The following MDGA2 variants were observed in gnomAD, a reference collection of about 807,000 sequenced individuals.
MDGA2 encodes MAM domain containing glycosylphosphatidylinositol anchor 2, also known as MAM domain-containing glycosylphosphatidylinositol anchor protein 2.
MDGA2 carries 40 observed loss-of-function variants against 117.8 expected under a neutral mutation model. The ratio of observed to expected loss-of-function variants is 0.34; its 90% CI spans 0.26 to 0.44. The LOEUF is 0.44. Among genes scored for constraint, MDGA2 ranks in the 20% least tolerant of loss-of-function variants. MDGA2 has a pLI of 1.00. For synonymous variants in MDGA2, 452 were observed against 439.0 expected (o/e 1.03, Z -0.37); for missense variants, 1,123 against 1,250.6 (o/e 0.90, Z 1.54).
At chr14:47,400,054 T>TA (rs1892101669) in intron 1 of MDGA2, among the ~76,000 whole-genome samples, 1 of 152,160 alleles carries the variant, frequency 6.6e-6, no homozygotes, top group East Asian at 1.9e-4. Context: ...AATGTTCTGG[T>TA]AAAAATAACC....
intron 1 of MDGA2, among the ~76,000 whole-genome samples, chr14:47,317,081 C>G (rs137915129): frequency 1.3e-5 from 2 of 152,092 alleles, no homozygotes; most frequent in African/African-American, 2.4e-5. Context: ...CAAACTATGA[C>G]AGCAAATTAA....
intron 2 of MDGA2, among the ~76,000 whole-genome samples, chr14:47,271,620 C>G (rs561115327): frequency 1.3e-5 from 2 of 152,256 alleles, no homozygotes; most frequent in South Asian, 4.1e-4. Context: ...ATTCCTGTGG[C>G]TGGCTCTGCA....
intron 2 of MDGA2, among the ~76,000 whole-genome samples, chr14:47,270,882 C>T (rs1888121796): frequency 1.3e-5 from 2 of 152,056 alleles, no homozygotes; most frequent in Admixed American, 1.3e-4. Flanking sequence ...ACAAAAGAGG[C>T]TTGTTTACTC....
chr14:46,923,027 T>C (rs963354348), intron 9 of MDGA2, among the ~76,000 whole-genome samples: 1 of 152,230 alleles, frequency 6.6e-6, no homozygotes, highest in East Asian at 1.9e-4. Flanking sequence ...GGAACATTAT[T>C]TATCTAAATG....
At chr14:47,408,265 A>G (rs1892301792) in intron 1 of MDGA2, among the ~76,000 whole-genome samples, 1 of 152,086 alleles carries the variant, frequency 6.6e-6, no homozygotes, top group South Asian at 2.1e-4. Context: ...CATGTTGGCC[A>G]GGATGGTCTC....
chr14:47,591,940 C>A (rs1047763447), intron 1 of MDGA2, among the ~76,000 whole-genome samples: 2 of 151,780 alleles, frequency 1.3e-5, no homozygotes, highest in African/African-American at 4.8e-5. Flanking sequence ...GGCAATCAGG[C>A]AATAGAAAGA....
At chr14:47,102,570 G>T (rs1172410356) in intron 5 of MDGA2, among the ~76,000 whole-genome samples, 1 of 152,008 alleles carries the variant, frequency 6.6e-6, no homozygotes, top group Non-Finnish European at 1.5e-5. Context: ...GGCAAAACAA[G>T]GAAGGAAGAA....
At chr14:47,557,545 C>G (rs546880202) in intron 1 of MDGA2, among the ~76,000 whole-genome samples, 1 of 152,240 alleles carries the variant, frequency 6.6e-6, no homozygotes, top group African/African-American at 2.4e-5. Context: ...TTTCCAACAT[C>G]TGGTAGGAAA....
chr14:47,085,364 T>C (rs1890859374), intron 6 of MDGA2, among the ~76,000 whole-genome samples: 1 of 152,156 alleles, frequency 6.6e-6, no homozygotes, highest in Non-Finnish European at 1.5e-5. Context: ...AATTCAAATG[T>C]TGGCTCTTTA....
In MDGA2 at chr14:47,150,780, T is replaced by C. The variant is rs181622949; in HGVS notation, c.596-6506A>G. On this transcript the variant is annotated intron_variant, in intron 3 of 16. Transcript: ENST00000399232. ...CTCTACTAAAAATATAAAAATTAGCTGGACATGGTGGTGCATGCCTGTAAT... is the reference window on the plus strand; with the variant it reads ...CTCTACTAAAAATATAAAAATTAGCCGGACATGGTGGTGCATGCCTGTAAT... 9.8e-3 allele frequency among the ~76,000 whole-genome samples: 1,491 copies of C among 151,998 alleles called. 11 individuals are homozygous for C. The highest frequency in any genetic ancestry group is 0.015 in the Non-Finnish European group (1,021 of 67,922).
At chr14:47,032,588 T>A (rs1888700877) in intron 8 of MDGA2, among the ~76,000 whole-genome samples, 1 of 152,096 alleles carries the variant, frequency 6.6e-6, no homozygotes, top group Admixed American at 6.6e-5. Flanking sequence ...TGAAACCCTG[T>A]CTCTTAAAAA....
chr14:47,388,023 C>G (rs1891800107), intron 1 of MDGA2, among the ~76,000 whole-genome samples: 1 of 152,176 alleles, frequency 6.6e-6, no homozygotes, highest in African/African-American at 2.4e-5. Flanking sequence ...TATGGTTACT[C>G]AGAAATCACA....
intron 1 of MDGA2, among the ~76,000 whole-genome samples, chr14:47,413,646 A>G (rs1015177871): frequency 6.7e-6 from 1 of 149,310 alleles, no homozygotes; most frequent in Non-Finnish European, 1.5e-5. Flanking sequence ...TTGATGCTAT[A>G]TTTATTATAA....
chr14:47,458,944 T>C (rs1421289509), intron 1 of MDGA2, among the ~76,000 whole-genome samples: 2 of 150,146 alleles, frequency 1.3e-5, no homozygotes, highest in African/African-American at 4.9e-5. Context: ...TCTAGTATGG[T>C]TCTGTGGGAT....
At chr14:46,917,586 T>C (rs1195196080) in intron 10 of MDGA2, among the ~76,000 whole-genome samples, 1 of 152,078 alleles carries the variant, frequency 6.6e-6, no homozygotes. Flanking sequence ...TAAAAAAACA[T>C]AGAAAAGGGA....
chr14:47,200,492 C>A, intron 3 of MDGA2: 2 of 541,990 alleles, frequency 3.7e-6, no homozygotes, highest in Non-Finnish European at 6.2e-6. Context: ...TATGCAACCA[C>A]TTCCCTTTTT....
chr14:47,203,651 G>T (rs1265557258), intron 3 of MDGA2, among the ~76,000 whole-genome samples: 1 of 151,952 alleles, frequency 6.6e-6, no homozygotes, highest in Non-Finnish European at 1.5e-5. Flanking sequence ...AGAAAGAGAA[G>T]TAGAAGCTCA....
chr14:47,399,482 T>G (rs1892086811), intron 1 of MDGA2, among the ~76,000 whole-genome samples: 1 of 152,214 alleles, frequency 6.6e-6, no homozygotes, highest in Non-Finnish European at 1.5e-5. Flanking sequence ...GCTGCTTCAT[T>G]ATCTTAGAAG....
In MDGA2 at chr14:46,884,201, G is replaced by C. The variant is rs1882579989; in HGVS notation, c.2239-1980C>G. Among the ~76,000 whole-genome samples the C allele has an allele frequency of 6.6e-6, 1 of 152,080 alleles. No individual in the cohort carries two copies. Among genetic ancestry groups the C allele is most frequent in the Non-Finnish European group, 1.5e-5 (1 of 67,998 alleles). The stretch of plus-strand genomic sequence containing the variant: ...CAAATTAGAGTGGAGAAGATCCCTT[G>C]CTTTGAGAAGGCCTTGAGTTTTCAT... On this transcript the variant is annotated intron_variant, in intron 10 of 16. Transcript: ENST00000399232. This position sits in a 1 kb window ranked among gnomAD's most constrained non-coding sequence, Gnocchi z 4.1.
Sources: gnomAD v4.1 joint callset for allele counts (sites outside exome capture counted in the v4.1 genomes callset) on GRCh38, gnomAD v4.1.1 for gene constraint, Gnocchi (gnomAD v3.1) non-coding constraint, MANE v1.5 for transcripts, NCBI Gene and HGNC (gene_info 2026-07-23, HGNC 2026-07-21) for gene names.